The following CAVIN4 variants were observed in gnomAD, a reference collection of about 807,000 sequenced individuals.
CAVIN4 encodes caveolae associated protein 4, also known as caveolae-associated protein 4.
Under a neutral mutation model 18.6 loss-of-function variants are expected in CAVIN4, and 10 were observed. The ratio of observed to expected loss-of-function variants is 0.54; its 90% CI spans 0.33 to 0.91. CAVIN4 has a LOEUF of 0.91. CAVIN4 is among the 40% of genes least tolerant of loss of function. The pLI is 0.02. For missense variants in CAVIN4, 459 were observed against 440.5 expected (o/e 1.04, Z -0.38); for synonymous variants, 173 against 164.8 (o/e 1.05, Z -0.38).
upstream of CAVIN4, chr9:100,578,004 G>T: frequency 1.3e-6 from 1 of 741,402 alleles, no homozygotes; most frequent in Non-Finnish European, 2.3e-6. Flanking sequence ...GGTATTTGTA[G>T]TTATAAATAC....
In CAVIN4 at chr9:100,587,405, C is replaced by T. The variant is rs1383459950; in HGVS notation, c.*954C>T. The T allele has an allele frequency of 6.6e-6, 1 of 152,110 alleles. No homozygotes were observed. The highest frequency in any genetic ancestry group is 6.6e-5 in the Admixed American group (1 of 15,266). The allele number at this position is 152,110 out of a possible 1,614,324, so 9.4% of individuals were successfully genotyped here. A position where few individuals can be genotyped will look rare whatever the true frequency, so the allele number is the denominator to read the frequency against. On this transcript the variant is annotated 3_prime_UTR_variant, in exon 2 of 2. Coordinates refer to ENST00000307584, the MANE Select transcript of CAVIN4 (RefSeq NM_001018116.2). ...TTGTGACTATGTTTCTAAAGTCGGC[C>T]CTGATGCATTGGGTTTGGAAATGAC...
intron 1 of CAVIN4, among the ~76,000 whole-genome samples, chr9:100,584,158 C>T (rs139993012): frequency 1.5e-3 from 222 of 152,268 alleles, no homozygotes; most frequent in African/African-American, 5.2e-3. Flanking sequence ...TAGATGTCAC[C>T]GTATGAATGA....
rs774296038 is a variant in CAVIN4, at chr9:100,586,025, T to A, written c.669T>A (p.Thr223=). 11 of 1,614,098 alleles carry A rather than the reference T, an allele frequency of 6.8e-6. No homozygotes were observed. Among genetic ancestry groups the A allele is most frequent in the Non-Finnish European group, 9.3e-6 (11 of 1,180,004 alleles). ...ACAAGAAAGTGAACAGAATTAGAAC[T>A]AGAATAGTGACCCCGGAGAGGAGAG... ...NLDKKVNRIR[T]RIVTPERRER... The change falls in exon 2 of 2, where the codon ACT becomes ACA. Residue 223 remains threonine, a synonymous_variant. Transcript: ENST00000307584.
chr9:100,583,628 C>A (rs762526570), intron 1 of CAVIN4, among the ~76,000 whole-genome samples: 5 of 49,416 alleles, frequency 1.0e-4, no homozygotes, highest in African/African-American at 2.7e-4. Flanking sequence ...TTCATTCATT[C>A]ATTCATTCAT....
rs774428475 is a variant in CAVIN4 at position 100,578,492 on chromosome 9, GT to G, written c.351del (p.Glu118LysfsTer7). ...GAAGCAACAAATTCATGTTAAAAAAGTTGAAGTCAAGCAAGAGGAAATAATG... is the reference window on the plus strand; with the variant it reads ...GAAGCAACAAATTCATGTTAAAAAAGTGAAGTCAAGCAAGAGGAAATAATG... ...VEKQQIHVKK[V>X]EVKQEEIMKK... On this transcript the variant is annotated frameshift_variant, in exon 1 of 2. Coordinates refer to ENST00000307584, the MANE Select transcript of CAVIN4 (RefSeq NM_001018116.2). LOFTEE classifies it high-confidence loss of function. 4 of 1,613,770 alleles carry G rather than the reference GT, an allele frequency of 2.5e-6. No individual in the cohort carries two copies. The Admixed American group carries it at 6.7e-5, about 27-fold the overall frequency.
chr9:100,585,713 G>A (rs1224595050), intron 1 of CAVIN4, 52 bp from the exon 2 acceptor site: 4 of 1,417,186 alleles, frequency 2.8e-6, no homozygotes, highest in South Asian at 2.3e-5. Flanking sequence ...TAAAAGAGCT[G>A]CTCTATAGTG....
upstream of CAVIN4, chr9:100,577,665 C>G (rs1226592): frequency 6.6e-6 from 1 of 152,498 alleles, no homozygotes; most frequent in Non-Finnish European, 1.5e-5. Flanking sequence ...GTTTATTTAC[C>G]AAATTTTTTG....
At chr9:100,585,607 A>G (rs958960785) in intron 1 of CAVIN4, among the ~76,000 whole-genome samples, 158 bp from the exon 2 acceptor site, 5 of 152,190 alleles carry the variant, frequency 3.3e-5, no homozygotes, top group African/African-American at 9.7e-5. Flanking sequence ...AGAAGAGGAA[A>G]GGGCCAAGGT....
chr9:100,581,794 A>G (rs969148650), intron 1 of CAVIN4, among the ~76,000 whole-genome samples: 17 of 152,048 alleles, frequency 1.1e-4, no homozygotes, highest in Middle Eastern at 3.2e-3. Flanking sequence ...TTCGTTTTCT[A>G]ATTATACCCT....
At chr9:100,579,220 A>G (rs1370286580) in intron 1 of CAVIN4, among the ~76,000 whole-genome samples, 4 of 152,170 alleles carry the variant, frequency 2.6e-5, no homozygotes, top group Non-Finnish European at 5.9e-5. Flanking sequence ...TGTGTGTGGC[A>G]TTGTGTATTG....
chr9:100,580,075 G>C (rs1839412040), intron 1 of CAVIN4, among the ~76,000 whole-genome samples: 1 of 147,882 alleles, frequency 6.8e-6, no homozygotes, highest in Non-Finnish European at 1.5e-5. Context: ...CCTTCTATAG[G>C]CTTAAAAATT....
rs1480676334 is a variant in CAVIN4 at position 100,587,618 on chromosome 9, G to C, written c.*1167G>C. The C allele has an allele frequency of 6.6e-6, 1 of 152,272 alleles. No homozygotes were observed. The highest frequency in any genetic ancestry group is 1.5e-5 in the Non-Finnish European group (1 of 68,086). 9.4% of individuals were successfully genotyped at this position (152,272 alleles called of 1,614,324 possible). Reference sequence around the variant, plus strand: ...AAAGAAAGAAAGAAATGGGCCGGGTGTGGTGGCTCACGGGGAGTAATCCCA... The same window carrying C: ...AAAGAAAGAAAGAAATGGGCCGGGTCTGGTGGCTCACGGGGAGTAATCCCA... On this transcript the variant is annotated 3_prime_UTR_variant, in exon 2 of 2. Transcript: ENST00000307584.
rs932067251 is a variant in CAVIN4, at chr9:100,588,105, A to G, written c.*1654A>G. On this transcript the variant is annotated 3_prime_UTR_variant, in exon 2 of 2. Transcript: ENST00000307584. ...TAAAATAATAAGTGTACACATATAC[A>G]CACAGGCATACATAAATCGGCTTTA... Among the ~76,000 whole-genome samples the G allele has an allele frequency of 1.5e-4, 23 of 152,206 alleles. No individual in the cohort carries two copies. The highest frequency in any genetic ancestry group is 7.2e-4 in the Admixed American group (11 of 15,278).
In CAVIN4 at chr9:100,578,157, G is replaced by T; in HGVS notation, c.14G>T (p.Gly5Val). Residue 5 changes from glycine to valine, a missense_variant, in exon 1 of 2, where the codon GGG becomes GTG. Physicochemically the swap from Gly to Val is moderately radical, Grantham distance 109. Coordinates refer to ENST00000307584, the MANE Select transcript of CAVIN4 (RefSeq NM_001018116.2). Reference protein sequence around the residue: MEHNGSASNADKIHQ... With the variant: MEHNVSASNADKIHQ... ...GAAATAAATAAAATGGAACATAATG[G>T]GTCTGCTTCAAATGCTGATAAAATC... 3 of 1,613,794 alleles carry T rather than the reference G, an allele frequency of 1.9e-6. No homozygotes were observed. The highest frequency in any genetic ancestry group is 2.5e-6 in the Non-Finnish European group (3 of 1,179,860).
At chr9:100,579,506 A>G (rs2118601891) in intron 1 of CAVIN4, among the ~76,000 whole-genome samples, 1 of 152,346 alleles carries the variant, frequency 6.6e-6, no homozygotes, top group South Asian at 2.1e-4. Context: ...GGGAAAAAAC[A>G]CTTTCATATT....
Position 100,586,939 on chromosome 9 carries a change from TG to T in CAVIN4, c.*491del, listed in dbSNP as rs1204803386. ...CATAGCTTTACTTATAAGAAAACCC[TG>T]GGCAAGTCATCTGCTTATTCTCATC... On this transcript the variant is annotated 3_prime_UTR_variant, in exon 2 of 2. Transcript: ENST00000307584. 1 of 153,864 alleles carries T rather than the reference TG, an allele frequency of 6.5e-6. No homozygotes were observed. The highest frequency in any genetic ancestry group is 2.4e-5 in the African/African-American group (1 of 41,454). 9.5% of individuals were successfully genotyped at this position (153,864 alleles called of 1,614,324 possible).
At position 100,586,337 on chromosome 9, in the gene CAVIN4, T is replaced by C; in HGVS notation, c.981T>C (p.Pro327=). 2.5e-6 allele frequency: 4 copies of C among 1,613,950 alleles called. No homozygotes were observed. Among genetic ancestry groups the C allele is most frequent in the Non-Finnish European group, 3.4e-6 (4 of 1,179,984 alleles). ...ACGAGGCAGCCAGGCCGGTGTATCC[T>C]CCCCATGAAGGAAGGGAAATCCCCA... The part of the protein sequence containing the change: ...PEHEAARPVY[P]PHEGREIPTP... Residue 327 remains proline, a synonymous_variant, in exon 2 of 2, where the codon CCT becomes CCC. Coordinates refer to ENST00000307584, the MANE Select transcript of CAVIN4 (RefSeq NM_001018116.2).
At position 100,578,432 on chromosome 9, in the gene CAVIN4, A is replaced by G. The variant is rs1326842814; in HGVS notation, c.289A>G (p.Ser97Gly). The G allele has an allele frequency of 6.2e-7, 1 of 1,614,052 alleles. No homozygotes were observed. ...NKLFEKTRKV[S>G]AHIKDVKARV... The stretch of plus-strand genomic sequence containing the variant: ...ATTGTTTGAGAAAACCCGAAAAGTT[A>G]GTGCTCACATTAAAGATGTGAAAGC... Residue 97 changes from serine to glycine, a missense_variant, in exon 1 of 2, where the codon AGT (serine) becomes GGT (glycine). Physicochemically the swap from Ser to Gly is moderately conservative, Grantham distance 56. Coordinates refer to ENST00000307584, the MANE Select transcript of CAVIN4 (RefSeq NM_001018116.2).
In CAVIN4 at chr9:100,588,011, G is replaced by C. The variant is rs1162042487; in HGVS notation, c.*1560G>C. 1 of 152,220 alleles carries C rather than the reference G, an allele frequency of 6.6e-6. No individual in the cohort carries two copies. Among genetic ancestry groups the C allele is most frequent in the Non-Finnish European group, 1.5e-5 (1 of 68,048 alleles). The allele number at this position is 152,220 out of a possible 1,614,324, so 9.4% of individuals were successfully genotyped here. ...ATGAAATTGTTGAATTTGAAGAGTT[G>C]GGACAACGATCAGCTATCCCACTTT... On this transcript the variant is annotated 3_prime_UTR_variant, in exon 2 of 2. Coordinates refer to ENST00000307584, the MANE Select transcript of CAVIN4 (RefSeq NM_001018116.2).
Sources: allele counts gnomAD v4.1 joint callset (sites outside exome capture counted in the v4.1 genomes callset), GRCh38; gene constraint gnomAD v4.1.1; transcripts MANE v1.5; gene names NCBI Gene and HGNC (gene_info 2026-07-23, HGNC 2026-07-21).